The following CRYZL1 variants were observed in gnomAD, a reference collection of about 807,000 sequenced individuals.
CRYZL1 encodes ferry endosomal RAB5 effector complex subunit 4.
In CRYZL1, 34 loss-of-function variants were observed where a neutral mutation model predicts 50.6. The ratio of observed to expected loss-of-function variants is 0.67; its 90% confidence interval spans 0.51 to 0.89. CRYZL1 has a LOEUF of 0.89. Among genes scored for constraint, CRYZL1 ranks in the 40% least tolerant of loss-of-function variants. The pLI, the probability that CRYZL1 is intolerant of heterozygous loss-of-function variation, is 0.00. For missense variants in CRYZL1, 354 were observed against 402.3 expected (o/e 0.88, Z 1.03); for synonymous variants, 125 against 134.3 (o/e 0.93, Z 0.48).
chr21:33,631,798 C>T (rs1296086609), intron 1 of CRYZL1, among the ~76,000 whole-genome samples: 1 of 152,150 alleles, frequency 6.6e-6, no homozygotes, highest in Non-Finnish European at 1.5e-5. Flanking sequence ...GGCAAACATG[C>T]TTCATTTTAC....
At chr21:33,628,603 CTTTT>C (rs35970580) in intron 2 of CRYZL1, among the ~76,000 whole-genome samples, 18 of 120,390 alleles carry the variant, frequency 1.5e-4, no homozygotes, top group East Asian at 2.4e-4. Context: ...TAATTTCTTT[CTTTT>C]TTTTTTTTTT....
chr21:33,622,197 G>A (rs1479038789), intron 3 of CRYZL1, 129 bp from the exon 4 acceptor site: 1 of 707,484 alleles, frequency 1.4e-6, no homozygotes, highest in Admixed American at 2.6e-5. Context: ...TTGGAACTGA[G>A]ACAAAGCAAA....
chr21:33,624,549 CAAAT>C (rs1289362946), intron 3 of CRYZL1, 130 bp downstream of exon 3: 8 of 1,407,116 alleles, frequency 5.7e-6, no homozygotes, highest in Non-Finnish European at 7.5e-6. Context: ...AACTCCGTCT[CAAAT>C]AAAAAAATTA....
chr21:33,622,941 T>C (rs1233028817), intron 3 of CRYZL1, among the ~76,000 whole-genome samples: 1 of 151,902 alleles, frequency 6.6e-6, no homozygotes, highest in Admixed American at 6.6e-5. Context: ...ATAGAAGTAC[T>C]GGGTGTTTTA....
intron 6 of CRYZL1, 119 bp from the exon 7 acceptor site, chr21:33,603,656 T>A (rs2086780003): frequency 9.7e-7 from 1 of 1,028,114 alleles, no homozygotes. Flanking sequence ...CTACTCCCAT[T>A]CTCTCTCACC....
intron 6 of CRYZL1, among the ~76,000 whole-genome samples, chr21:33,605,181 T>C (rs1336808600): frequency 6.6e-6 from 1 of 152,210 alleles, no homozygotes; most frequent in African/African-American, 2.4e-5. Context: ...TTTTTCTTAT[T>C]TAGAGCTTTA....
intron 1 of CRYZL1, among the ~76,000 whole-genome samples, chr21:33,634,365 AC>A (rs1271719073): frequency 6.6e-6 from 1 of 152,088 alleles, no homozygotes; most frequent in Admixed American, 6.6e-5. Flanking sequence ...TCATATGGTT[AC>A]CCCATCTCAG....
At chr21:33,592,234 T>A (rs1212594861) in intron 11 of CRYZL1, among the ~76,000 whole-genome samples, 1 of 148,922 alleles carries the variant, frequency 6.7e-6, no homozygotes, top group Non-Finnish European at 1.5e-5. Flanking sequence ...CCTCAACCTC[T>A]CAGGCTCTAG....
chr21:33,640,286 T>C, intron 1 of CRYZL1: 1 of 1,502,156 alleles, frequency 6.7e-7, no homozygotes. Context: ...AATCTAAACG[T>C]CTTATCCCCT....
At chr21:33,630,188 C>G (rs190916973) in intron 2 of CRYZL1, among the ~76,000 whole-genome samples, 2 of 152,166 alleles carry the variant, frequency 1.3e-5, no homozygotes, top group African/African-American at 4.8e-5. Context: ...TAACAAATGC[C>G]GGTAAGGATG....
At chr21:33,610,003 C>CA (rs1370744743) in intron 6 of CRYZL1, among the ~76,000 whole-genome samples, 5 of 136,126 alleles carry the variant, frequency 3.7e-5, no homozygotes, top group Non-Finnish European at 4.8e-5. Flanking sequence ...CATGCCTAGC[C>CA]TTTTTTTTTT....
intron 5 of CRYZL1, among the ~76,000 whole-genome samples, chr21:33,615,389 A>AC (rs2086918691): frequency 6.6e-6 from 1 of 151,978 alleles, no homozygotes; most frequent in Non-Finnish European, 1.5e-5. Flanking sequence ...ACTGGGCTCA[A>AC]GTGATCTTCC....
chr21:33,598,039 T>G (rs975612547), intron 9 of CRYZL1, among the ~76,000 whole-genome samples: 1 of 152,222 alleles, frequency 6.6e-6, no homozygotes, highest in African/African-American at 2.4e-5. Flanking sequence ...CAACATTTAA[T>G]TGTAATTTAT....
chr21:33,609,307 G>C (rs966767793), intron 6 of CRYZL1, among the ~76,000 whole-genome samples: 1 of 151,952 alleles, frequency 6.6e-6, no homozygotes, highest in African/African-American at 2.4e-5. Context: ...TGCTGTGTAA[G>C]AGCTCCTTCT....
At chr21:33,632,391 T>A (rs117277407) in intron 1 of CRYZL1, among the ~76,000 whole-genome samples, 2,230 of 152,256 alleles carry the variant, frequency 0.015, 24 homozygotes, top group Non-Finnish European at 0.022. Flanking sequence ...TTATTTATTT[T>A]TTTTTAGATG....
intron 8 of CRYZL1, among the ~76,000 whole-genome samples, chr21:33,599,525 G>A (rs1024671165): frequency 3.3e-5 from 5 of 152,144 alleles, no homozygotes; most frequent in African/African-American, 1.2e-4. Context: ...AGGCTGGTCT[G>A]TTGACACAGA....
At chr21:33,596,271 A>G (rs1419835551) in intron 10 of CRYZL1, 1 of 406,324 alleles carries the variant, frequency 2.5e-6, no homozygotes, top group Non-Finnish European at 5.0e-6. Context: ...GGAAATTGTG[A>G]TAATTTTATA....
At position 33,613,713 on chromosome 21, in the gene CRYZL1, C is replaced by T. The variant is rs535717834; in HGVS notation, c.263-107G>A. The T allele has an allele frequency of 7.4e-5, 57 of 774,346 alleles. 1 individual carries two copies. Among genetic ancestry groups the T allele is most frequent in the South Asian group, 6.5e-4 (43 of 66,282 alleles). The allele number at this position is 774,346 out of a possible 1,614,324, so 48.0% of individuals were successfully genotyped here. A position where few individuals can be genotyped will look rare whatever the true frequency, so the allele number is the denominator to read the frequency against. On this transcript the variant is annotated intron_variant, in intron 5 of 12. Transcript: ENST00000381554. ...TTCAGTGAAATTTTGAGGAAGGTTC[C>T]AGTAATTACTAGTGTGGACAAGAAA...
At chr21:33,638,210 C>CTTT (rs569863892) in intron 1 of CRYZL1, among the ~76,000 whole-genome samples, 6 of 126,800 alleles carry the variant, frequency 4.7e-5, no homozygotes, top group Non-Finnish European at 8.3e-5. Flanking sequence ...GTCAGGTCTG[C>CTTT]TTTTTTTTTT....
Sources: gnomAD v4.1 joint callset for allele counts (sites outside exome capture counted in the v4.1 genomes callset) on GRCh38, gnomAD v4.1.1 for gene constraint, MANE v1.5 for transcripts, NCBI Gene and HGNC (gene_info 2026-07-23, HGNC 2026-07-21) for gene names.